The following ARHGEF11 variants were observed in gnomAD, a reference collection of about 807,000 sequenced individuals.
The protein encoded by ARHGEF11 is Rho guanine nucleotide exchange factor 11, also known as Rho guanine exchange factor (GEF) 11.
ARHGEF11 carries 55 observed loss-of-function variants against 193.7 expected under a neutral mutation model. The ratio of observed to expected loss-of-function variants is 0.28; its 90% CI spans 0.23 to 0.36. The LOEUF is 0.36. ARHGEF11 is among the 10% of genes least tolerant of loss of function. ARHGEF11 has a pLI of 1.00. For missense variants in ARHGEF11, 1,723 were observed against 2,005.6 expected (o/e 0.86, Z 2.69); for synonymous variants, 693 against 768.0 (o/e 0.90, Z 1.62).
rs770505659 is a variant in ARHGEF11, at chr1:156,946,168, C to G, written c.2695-6G>C. The G allele has an allele frequency of 4.3e-6, 7 of 1,611,770 alleles. No homozygotes were observed. The highest frequency in any genetic ancestry group is 5.1e-6 in the Non-Finnish European group (6 of 1,178,996). On this transcript the variant is annotated splice_region_variant and splice_polypyrimidine_tract_variant and intron_variant, in intron 28 of 40. Transcript: ENST00000368194. ...TGAGGGTGGCTCTCAGCCTCCTAGA[C>G]AGCAGGAGACACAGAAGGGAGGAGA...
chr1:156,984,213 A>G (rs1377272871), intron 3 of ARHGEF11, 126 bp downstream of exon 3: 13 of 713,408 alleles, frequency 1.8e-5, no homozygotes, highest in Non-Finnish European at 8.9e-6. Context: ...CCACGCACCC[A>G]TGGAGAACCA....
chr1:156,937,121 G>C, intron 39 of ARHGEF11, 116 bp from the exon 40 acceptor site: 1 of 1,566,134 alleles, frequency 6.4e-7, no homozygotes, highest in South Asian at 1.2e-5. Flanking sequence ...GGCTGGGCGG[G>C]CTGGGGGAAG....
chr1:156,955,421 C>A (rs1659807629), intron 20 of ARHGEF11, among the ~76,000 whole-genome samples: 1 of 152,170 alleles, frequency 6.6e-6, no homozygotes, highest in Non-Finnish European at 1.5e-5. Context: ...GCGATCCTTG[C>A]CGAGGGGAAA....
intron 8 of ARHGEF11, 70 bp from the exon 9 acceptor site, chr1:156,970,113 T>A: frequency 1.4e-6 from 2 of 1,393,202 alleles, no homozygotes; most frequent in Admixed American, 1.8e-5. Flanking sequence ...CTTTCACCAA[T>A]CAGTGCCTTA....
At chr1:157,038,976 T>C (rs903880966) in intron 1 of ARHGEF11, among the ~76,000 whole-genome samples, 3 of 152,064 alleles carry the variant, frequency 2.0e-5, no homozygotes, top group Non-Finnish European at 2.9e-5. Flanking sequence ...GCCATGATCA[T>C]GCCACTGCAC....
intron 11 of ARHGEF11, 103 bp downstream of exon 11, chr1:156,967,883 AG>A: frequency 6.5e-7 from 1 of 1,535,588 alleles, no homozygotes; most frequent in Non-Finnish European, 9.0e-7. Flanking sequence ...TTGCTGAAGC[AG>A]GGGTTTAGTC....
At chr1:156,936,497 A>AAAAAAAAATAAAAAAAAAT (rs370282821) in intron 40 of ARHGEF11, among the ~76,000 whole-genome samples, 2 of 33,916 alleles carry the variant, frequency 5.9e-5, no homozygotes, top group Admixed American at 4.6e-4. Flanking sequence ...AAAAAAAAAA[A>AAAAAAAAATAAAAAAAAAT]ATATATATAT....
intron 1 of ARHGEF11, among the ~76,000 whole-genome samples, chr1:157,013,111 C>G (rs1486970940): frequency 6.6e-6 from 1 of 151,996 alleles, no homozygotes; most frequent in Non-Finnish European, 1.5e-5. Context: ...GCTGTCTAGT[C>G]CTGGATGCCT....
intron 7 of ARHGEF11, among the ~76,000 whole-genome samples, chr1:156,975,526 A>C (rs1423440642): frequency 6.6e-6 from 1 of 152,168 alleles, no homozygotes; most frequent in Non-Finnish European, 1.5e-5. Flanking sequence ...TCTTGATAGA[A>C]TCCTTTGACA....
chr1:157,023,969 C>A (rs1030682873), intron 1 of ARHGEF11, among the ~76,000 whole-genome samples: 7 of 152,052 alleles, frequency 4.6e-5, no homozygotes, highest in Non-Finnish European at 1.0e-4. Flanking sequence ...AACATATGCC[C>A]ACATAAAACT....
At chr1:156,982,050 TA>T (rs149280617) in intron 3 of ARHGEF11, among the ~76,000 whole-genome samples, 2,139 of 152,322 alleles carry the variant, frequency 0.014, 57 homozygotes, top group African/African-American at 0.049. Flanking sequence ...TACCCTCAGC[TA>T]AAGTGTGCTA....
intron 40 of ARHGEF11, among the ~76,000 whole-genome samples, chr1:156,936,560 A>G (rs1211309241): frequency 1.4e-5 from 2 of 146,726 alleles, no homozygotes; most frequent in Admixed American, 1.4e-4. Flanking sequence ...AGAGGTGAGA[A>G]CAGGCTCCTC....
intron 1 of ARHGEF11, among the ~76,000 whole-genome samples, chr1:157,005,410 G>A (rs993482919): frequency 6.6e-6 from 1 of 152,148 alleles, no homozygotes; most frequent in Non-Finnish European, 1.5e-5. Context: ...GGATGGAGGG[G>A]CATCTCAAAT....
At chr1:157,003,280 C>T (rs1471472813) in intron 1 of ARHGEF11, among the ~76,000 whole-genome samples, 1 of 152,226 alleles carries the variant, frequency 6.6e-6, no homozygotes, top group Admixed American at 6.5e-5. Flanking sequence ...TCTGCTAATG[C>T]TTTGCACTCT....
At chr1:156,968,176 A>G (rs772798088) in intron 10 of ARHGEF11, 52 bp from the exon 11 acceptor site, 1 of 1,569,650 alleles carries the variant, frequency 6.4e-7, no homozygotes, top group Non-Finnish European at 8.7e-7. Flanking sequence ...AAGACCCTCA[A>G]GGCTCAGCTC....
intron 1 of ARHGEF11, among the ~76,000 whole-genome samples, chr1:156,994,921 T>C (rs1028311646): frequency 2.0e-5 from 3 of 152,202 alleles, no homozygotes; most frequent in Non-Finnish European, 2.9e-5. Flanking sequence ...CAAACTGCAA[T>C]CAATCTCCCC....
chr1:156,943,183 C>T (rs112788125), intron 32 of ARHGEF11, among the ~76,000 whole-genome samples: 176 of 152,032 alleles, frequency 1.2e-3, no homozygotes, highest in African/African-American at 3.9e-3. Context: ...GCCTCAGCCT[C>T]CCGAGTAACT....
intron 15 of ARHGEF11, among the ~76,000 whole-genome samples, chr1:156,959,625 A>G (rs1464302602): frequency 3.3e-5 from 5 of 152,114 alleles, no homozygotes; most frequent in Non-Finnish European, 5.9e-5. Flanking sequence ...AGTCCTTGGG[A>G]GCTGTGTTTC....
rs541494712 is a variant in ARHGEF11, at chr1:156,991,958, C to T, written c.33-5785G>A. Among the ~76,000 whole-genome samples, 7 of 151,648 alleles carry T rather than the reference C, an allele frequency of 4.6e-5. No homozygotes were observed. In the South Asian group the frequency reaches 6.2e-4, roughly 14 times the overall value. ...GTCTCGATCTCCTGACCTCGTGATC[C>T]GCCCGCCTCGGCCTCCCAAAGTGCT... On this transcript the variant is annotated intron_variant, in intron 1 of 40. Transcript: ENST00000368194.
Sources: allele counts gnomAD v4.1 joint callset (sites outside exome capture counted in the v4.1 genomes callset), GRCh38; gene constraint gnomAD v4.1.1; transcripts MANE v1.5; gene names NCBI Gene and HGNC (gene_info 2026-07-23, HGNC 2026-07-21).